ARHGEF3: variants seen among roughly 807,000 people sequenced by gnomAD.
ARHGEF3 encodes Rho guanine nucleotide exchange factor 3.
Under a neutral mutation model 63.2 loss-of-function variants are expected in ARHGEF3, and 28 were observed. The observed-to-expected ratio is 0.44, with a 90% CI of 0.33 to 0.61. ARHGEF3 has a LOEUF of 0.61. ARHGEF3 is among the 20% of genes least tolerant of loss of function. The pLI, the probability that ARHGEF3 is intolerant of heterozygous loss-of-function variation, is 0.03. For synonymous variants in ARHGEF3, 266 were observed against 254.2 expected (o/e 1.05, Z -0.44); for missense variants, 533 against 659.3 (o/e 0.81, Z 2.10).
rs908753409 is a variant in ARHGEF3, at chr3:56,975,648, G to A, written c.63-16759C>T. ...TCACACAGCTAGTAGGCATCAGAGT[G>A]GGATTCAAACCCAGGCAATCTGGCT... On this transcript the variant is annotated intron_variant, in intron 2 of 12. Transcript: ENST00000338458. 2.7e-5 allele frequency: 7 copies of A among 256,136 alleles called. No individual in the cohort carries two copies. In the Admixed American group the frequency reaches 3.8e-4, roughly 14 times the overall value. 15.9% of individuals were successfully genotyped at this position (256,136 alleles called of 1,614,324 possible).
At chr3:56,885,441 C>T (rs1226513519) in intron 3 of ARHGEF3, among the ~76,000 whole-genome samples, 1 of 152,156 alleles carries the variant, frequency 6.6e-6, no homozygotes, top group Non-Finnish European at 1.5e-5. Flanking sequence ...CATGCTGCAA[C>T]CTGGTATTAC....
At chr3:56,934,729 G>A (rs527989090) in intron 3 of ARHGEF3, among the ~76,000 whole-genome samples, 29 of 152,316 alleles carry the variant, frequency 1.9e-4, no homozygotes, top group African/African-American at 6.5e-4. Context: ...CCTGCAGCCC[G>A]CCGTGCCTGA....
intron 1 of ARHGEF3, among the ~76,000 whole-genome samples, chr3:57,070,427 T>C (rs1705823066): frequency 6.6e-6 from 1 of 152,320 alleles, no homozygotes; most frequent in Middle Eastern, 3.4e-3. Flanking sequence ...TGCAGTTTGA[T>C]GGATGGGTCT....
At chr3:56,867,457 CTATTTATTTATT>C (rs36136849) in intron 4 of ARHGEF3, among the ~76,000 whole-genome samples, 7 of 149,622 alleles carry the variant, frequency 4.7e-5, no homozygotes, top group South Asian at 2.1e-4. Context: ...AGTTAAAATG[CTATTTATTTATT>C]TATTTATTTA....
chr3:57,065,981 T>G (rs1301282202), intron 1 of ARHGEF3, among the ~76,000 whole-genome samples: 2 of 151,676 alleles, frequency 1.3e-5, no homozygotes, highest in Non-Finnish European at 2.9e-5. Context: ...CTCAGGAGGC[T>G]GAGGCAGGAG....
chr3:57,072,343 TA>T (rs1457668472), intron 1 of ARHGEF3, among the ~76,000 whole-genome samples: 5 of 151,028 alleles, frequency 3.3e-5, no homozygotes, highest in Non-Finnish European at 7.4e-5. Context: ...CCAGGGCAGG[TA>T]AAAGAGAGGA....
At chr3:57,019,935 G>A (rs921837598) in intron 2 of ARHGEF3, among the ~76,000 whole-genome samples, 1 of 152,112 alleles carries the variant, frequency 6.6e-6, no homozygotes, top group Admixed American at 6.5e-5. Flanking sequence ...TTTCACTCTT[G>A]TTGCCCAGGC....
chr3:56,990,097 C>A (rs1447919422), intron 2 of ARHGEF3, among the ~76,000 whole-genome samples: 1 of 152,262 alleles, frequency 6.6e-6, no homozygotes, highest in Admixed American at 6.5e-5. Context: ...CATCTACCAT[C>A]TTCTTCCCTC....
At chr3:57,045,740 C>CA (rs1015037652) in intron 1 of ARHGEF3, among the ~76,000 whole-genome samples, 7 of 152,278 alleles carry the variant, frequency 4.6e-5, no homozygotes, top group African/African-American at 1.7e-4. Context: ...CGTTCTCCCC[C>CA]AAACAGAGGT....
At chr3:57,002,462 C>CT (rs1702241081) in intron 2 of ARHGEF3, among the ~76,000 whole-genome samples, 1 of 38,686 alleles carries the variant, frequency 2.6e-5, no homozygotes, top group East Asian at 8.8e-4. Context: ...GTTCTAAGCA[C>CT]TATATATATA....
chr3:57,009,106 T>G (rs528938968), intron 2 of ARHGEF3, among the ~76,000 whole-genome samples: 20 of 152,366 alleles, frequency 1.3e-4, no homozygotes, highest in African/African-American at 4.3e-4. Flanking sequence ...GCTCTCATTT[T>G]CATGATGGGC....
In ARHGEF3 at chr3:57,002,483, A is replaced by ATATATATATATGT. The variant is rs1553802498; in HGVS notation, c.62+32604_62+32605insACATATATATATA. 8.8e-4 allele frequency among the ~76,000 whole-genome samples: 36 copies of ATATATATATATGT among 40,692 alleles called. 2 individuals carry two copies. Among genetic ancestry groups the ATATATATATATGT allele is most frequent in the African/African-American group, 3.3e-3 (29 of 8,752 alleles). The allele number at this position is 40,692 out of a possible 152,430, so 26.7% of individuals were successfully genotyped here. A position where few individuals can be genotyped will look rare whatever the true frequency, so the allele number is the denominator to read the frequency against. On this transcript the variant is annotated intron_variant, in intron 2 of 12. Transcript: ENST00000338458. The stretch of plus-strand genomic sequence containing the variant: ...AGCACTATATATATATATATGTTAT[A>ATATATATATATGT]TATATATATATATGTTATATATATA...
intron 2 of ARHGEF3, among the ~76,000 whole-genome samples, chr3:56,974,088 A>G (rs9866807): frequency 0.4 from 60,697 of 152,066 alleles, 12,689 homozygotes; most frequent in Middle Eastern, 0.53. Flanking sequence ...TCTGTCTCCA[A>G]TATATGTATA....
At chr3:56,740,043 G>A (rs535481564) in intron 7 of ARHGEF3, among the ~76,000 whole-genome samples, 1 of 152,114 alleles carries the variant, frequency 6.6e-6, no homozygotes, top group Admixed American at 6.5e-5. Flanking sequence ...GGGATTACGG[G>A]CACCTGCCAC....
chr3:56,817,172 A>G lies in ARHGEF3; in HGVS notation c.193-43356T>C, dbSNP rs117401116. The stretch of plus-strand genomic sequence containing the variant: ...AAGTTACTCAGTCTCTCAGAACTTC[A>G]GTTTCCTCATCTGCAATCAGGACCA... On this transcript the variant is annotated intron_variant, in intron 4 of 12. Transcript: ENST00000338458. 5.3e-5 allele frequency among the ~76,000 whole-genome samples: 8 copies of G among 152,378 alleles called. No individual in the cohort carries two copies. In the East Asian group the frequency reaches 1.4e-3, roughly 26 times the overall value.
Position 56,817,215 on chromosome 3 carries a change from A to C in ARHGEF3, c.193-43399T>G, listed in dbSNP as rs1289124951. 3.3e-5 allele frequency among the ~76,000 whole-genome samples: 5 copies of C among 152,206 alleles called. No homozygotes were observed. In the East Asian group the frequency reaches 9.6e-4, roughly 29 times the overall value. ...CAGGACCAAATAGCACCTACTTCAA[A>C]GGGTGGAGGTGAAGATTAGAGAGAA... On this transcript the variant is annotated intron_variant, in intron 4 of 12. Transcript: ENST00000338458.
At chr3:56,742,475 G>A (rs937494615) in intron 7 of ARHGEF3, among the ~76,000 whole-genome samples, 11 of 152,114 alleles carry the variant, frequency 7.2e-5, no homozygotes, top group Admixed American at 2.0e-4. Flanking sequence ...CTCTTGGAAC[G>A]GAAGCAATTT....
At chr3:57,035,028 A>C in intron 2 of ARHGEF3, 1 of 1,367,384 alleles carries the variant, frequency 7.3e-7, no homozygotes, top group Non-Finnish European at 9.9e-7. Flanking sequence ...CATTTCATTT[A>C]ATTGTTGCAT....
chr3:56,981,272 C>T (rs1221190994), intron 2 of ARHGEF3, among the ~76,000 whole-genome samples: 1 of 152,222 alleles, frequency 6.6e-6, no homozygotes, highest in Non-Finnish European at 1.5e-5. Flanking sequence ...ATGGCCTACT[C>T]ATAAGTTTGC....
Sources: gnomAD v4.1 joint callset for allele counts (sites outside exome capture counted in the v4.1 genomes callset) on GRCh38, gnomAD v4.1.1 for gene constraint, MANE v1.5 for transcripts, NCBI Gene and HGNC (gene_info 2026-07-23, HGNC 2026-07-21) for gene names.